Variants in SYNPR observed in about 807,000 individuals in gnomAD.
SYNPR encodes the protein synaptoporin.
A neutral mutation model predicts 32.9 loss-of-function variants in SYNPR; 23 were observed. The observed-to-expected ratio is 0.70, with a 90% confidence interval of 0.50 to 0.99. The LOEUF (loss-of-function observed/expected upper bound fraction) is 0.99, where lower values mean the gene tolerates loss of function less well. Among genes scored for constraint, SYNPR ranks in the 50% least tolerant of loss-of-function variants. SYNPR has a pLI of 0.00. For missense variants in SYNPR, 318 were observed against 349.3 expected (o/e 0.91, Z 0.71); for synonymous variants, 146 against 135.9 (o/e 1.07, Z -0.52).
intron 2 of SYNPR, among the ~76,000 whole-genome samples, chr3:63,458,894 C>A (rs1408582082): frequency 6.6e-6 from 1 of 152,034 alleles, no homozygotes; most frequent in Non-Finnish European, 1.5e-5. Context: ...TTCCCAGGCT[C>A]TTAACTGAAA....
intron 2 of SYNPR, among the ~76,000 whole-genome samples, chr3:63,420,695 G>C (rs1010268587): frequency 6.6e-6 from 1 of 151,922 alleles, no homozygotes; most frequent in Non-Finnish European, 1.5e-5. Flanking sequence ...GATAAAGTTA[G>C]GCTTTATTTT....
At chr3:63,597,682 C>T (rs570507428) in intron 4 of SYNPR, among the ~76,000 whole-genome samples, 9 of 152,296 alleles carry the variant, frequency 5.9e-5, no homozygotes, top group African/African-American at 1.7e-4. Flanking sequence ...CAATTCAAAT[C>T]TCAGTTACCT....
intron 4 of SYNPR, among the ~76,000 whole-genome samples, chr3:63,568,309 G>A (rs1403953996): frequency 1.3e-5 from 2 of 152,176 alleles, no homozygotes; most frequent in Admixed American, 6.5e-5. Flanking sequence ...GTGATCCAGA[G>A]ACATGCTCTT....
At chr3:63,543,588 A>T (rs192706105) in intron 3 of SYNPR, among the ~76,000 whole-genome samples, 4 of 152,214 alleles carry the variant, frequency 2.6e-5, no homozygotes, top group Admixed American at 1.3e-4. Context: ...TTTCTTTTAC[A>T]AAGACTTTTT....
intron 2 of SYNPR, among the ~76,000 whole-genome samples, chr3:63,399,766 A>G (rs897580854): frequency 1.3e-5 from 2 of 152,202 alleles, no homozygotes; most frequent in African/African-American, 2.4e-5. Flanking sequence ...ACATTCTGCC[A>G]TATAACTTTG....
chr3:63,592,944 T>A (rs923716114), intron 4 of SYNPR, among the ~76,000 whole-genome samples: 2 of 152,076 alleles, frequency 1.3e-5, no homozygotes, highest in African/African-American at 4.8e-5. Flanking sequence ...CTTTTTACAG[T>A]TGGAAACTGA....
At chr3:63,595,905 TTA>T (rs535190616) in intron 4 of SYNPR, among the ~76,000 whole-genome samples, 1,957 of 88,974 alleles carry the variant, frequency 0.022, 130 homozygotes, top group African/African-American at 0.075. Flanking sequence ...ATATATATAG[TTA>T]TATATATATA....
At chr3:63,398,025 T>C (rs2088240220) in intron 2 of SYNPR, among the ~76,000 whole-genome samples, 1 of 152,232 alleles carries the variant, frequency 6.6e-6, no homozygotes, top group African/African-American at 2.4e-5. Context: ...GAAAAGCTGG[T>C]CACTGTTGTA....
rs535879288 is a variant in SYNPR, at chr3:63,317,654, ATAGT to A, written c.84+38914_84+38917del. 3.8e-3 allele frequency among the ~76,000 whole-genome samples: 584 copies of A among 152,102 alleles called. 4 individuals carry two copies. The highest frequency in any genetic ancestry group is 0.013 in the African/African-American group (551 of 41,530). ...TAGGTGAGTCTCCTGGAGGCAGCAG[ATAGT>A]TGGTTGGTGAGTTCTTATTCATTCT... On this transcript the variant is annotated intron_variant, in intron 2 of 5. Transcript: ENST00000478300.
intron 3 of SYNPR, among the ~76,000 whole-genome samples, chr3:63,497,302 G>T (rs1006759979): frequency 6.6e-6 from 1 of 152,122 alleles, no homozygotes; most frequent in Non-Finnish European, 1.5e-5. Flanking sequence ...AGAAGAGTTT[G>T]TTTCATAGTA....
At chr3:63,470,259 A>G (rs1212469821) in intron 2 of SYNPR, among the ~76,000 whole-genome samples, 6 of 152,202 alleles carry the variant, frequency 3.9e-5, no homozygotes, top group Non-Finnish European at 8.8e-5. Context: ...CTTTAAAAAG[A>G]TTATAAACAA....
chr3:63,384,290 T>C (rs952312807), intron 2 of SYNPR, among the ~76,000 whole-genome samples: 1 of 152,252 alleles, frequency 6.6e-6, no homozygotes, highest in African/African-American at 2.4e-5. Flanking sequence ...TCTAGTGGAA[T>C]GAGTGCTCAA....
intron 2 of SYNPR, among the ~76,000 whole-genome samples, chr3:63,403,615 G>T (rs545475434): frequency 6.6e-4 from 101 of 152,212 alleles, no homozygotes; most frequent in African/African-American, 2.3e-3. Context: ...GGTCATACTT[G>T]CAGTATGGAG....
At chr3:63,276,178 G>T (rs939321433), upstream of SYNPR, among the ~76,000 whole-genome samples, 3 of 152,080 alleles carry the variant, frequency 2.0e-5, no homozygotes, top group Admixed American at 2.0e-4. Context: ...ATCACTTGGT[G>T]GTTCTTAAAA....
rs60558729 is a variant in SYNPR at position 63,582,341 on chromosome 3, C to T, written c.408+25600C>T. The stretch of plus-strand genomic sequence containing the variant: ...CTTCGCTTTTTTTAGTAGCTAATTC[C>T]TTTTTCTCATCAACAGGACACAATA... On this transcript the variant is annotated intron_variant, in intron 4 of 5. Transcript: ENST00000478300. 3.5e-3 allele frequency among the ~76,000 whole-genome samples: 533 copies of T among 152,022 alleles called. 4 individuals carry two copies. The highest frequency in any genetic ancestry group is 0.012 in the African/African-American group (505 of 41,468).
chr3:63,217,817 G>T, the SYNPR span, among the ~76,000 whole-genome samples: 2 of 151,960 alleles, frequency 1.3e-5, no homozygotes, highest in Non-Finnish European at 2.9e-5. Context: ...TTAAATTTTG[G>T]GTAGAGTTCT....
chr3:63,544,136 C>T (rs190148489), intron 3 of SYNPR, among the ~76,000 whole-genome samples: 48 of 151,962 alleles, frequency 3.2e-4, no homozygotes, highest in Non-Finnish European at 5.6e-4. Flanking sequence ...GGTTGCTGTG[C>T]GGAAAATGAA....
chr3:63,447,270 C>T (rs112581274), intron 2 of SYNPR, among the ~76,000 whole-genome samples: 17 of 152,156 alleles, frequency 1.1e-4, no homozygotes, highest in Admixed American at 5.9e-4. Context: ...TATCATATTT[C>T]AGTCCCTAGC....
intron 2 of SYNPR, among the ~76,000 whole-genome samples, chr3:63,444,714 C>T (rs893311306): frequency 2.0e-5 from 3 of 152,050 alleles, no homozygotes; most frequent in South Asian, 4.2e-4. Flanking sequence ...TTCATATCTA[C>T]TCCCTTTTGG....
Sources: gnomAD v4.1 joint callset for allele counts (sites outside exome capture counted in the v4.1 genomes callset) on GRCh38, gnomAD v4.1.1 for gene constraint, MANE v1.5 for transcripts, NCBI Gene and HGNC (gene_info 2026-07-23, HGNC 2026-07-21) for gene names.